Variants in CCDC112 observed in about 807,000 individuals in gnomAD.
CCDC112 encodes the protein coiled-coil domain containing 112.
In CCDC112, 40 loss-of-function variants were observed where a neutral mutation model predicts 66.3. The ratio of observed to expected loss-of-function variants is 0.60; its 90% CI spans 0.47 to 0.79. The LOEUF is 0.79. Among genes scored for constraint, CCDC112 ranks in the 30% least tolerant of loss-of-function variants. CCDC112 has a pLI of 0.00. For synonymous variants in CCDC112, 214 were observed against 197.2 expected (o/e 1.09, Z -0.71); for missense variants, 659 against 603.8 (o/e 1.09, Z -0.96).
intron 1 of CCDC112, among the ~76,000 whole-genome samples, chr5:115,289,920 C>G (rs1470002793): frequency 6.6e-6 from 1 of 152,114 alleles, no homozygotes; most frequent in Non-Finnish European, 1.5e-5. Flanking sequence ...TGGCCTCAAG[C>G]GATCTTCCTG....
intron 1 of CCDC112, chr5:115,289,092 C>A: frequency 4.1e-6 from 1 of 245,914 alleles, no homozygotes; most frequent in South Asian, 4.6e-5. Flanking sequence ...GTTTTAGTTT[C>A]TTTGTTTTCT....
intron 1 of CCDC112, among the ~76,000 whole-genome samples, chr5:115,286,301 TGTA>T (rs1218522275): frequency 6.6e-6 from 1 of 152,246 alleles, no homozygotes; most frequent in Non-Finnish European, 1.5e-5. Context: ...TCATACAATG[TGTA>T]GCCTTGTCTG....
intron 2 of CCDC112, among the ~76,000 whole-genome samples, chr5:115,283,656 T>C (rs910885563): frequency 2.5e-4 from 38 of 152,096 alleles, no homozygotes; most frequent in African/African-American, 9.2e-4. Flanking sequence ...ATTATGTAAA[T>C]GCAAGGAGAA....
chr5:115,289,479 T>A (rs1339834553), intron 1 of CCDC112: 1 of 152,838 alleles, frequency 6.5e-6, no homozygotes, highest in East Asian at 1.9e-4. Flanking sequence ...TGTTTCTGGG[T>A]TTTTTGTTCC....
Position 115,296,261 on chromosome 5 carries a change from T to C in CCDC112, c.117+166A>G, listed in dbSNP as rs549486436. 3.8e-6 allele frequency: 5 copies of C among 1,300,936 alleles called. No homozygotes were observed. In the South Asian group the frequency reaches 1.1e-4, roughly 28 times the overall value. The allele number at this position is 1,300,936 out of a possible 1,614,324, so 80.6% of individuals were successfully genotyped here. On this transcript the variant is annotated intron_variant, in intron 1 of 9. Transcript: ENST00000379611. ...CACATGGAGGCGGCTCTGCAAAAGC[T>C]GTTAAACGCACAAGCCAACAAAGAG...
intron 1 of CCDC112, among the ~76,000 whole-genome samples, chr5:115,292,249 T>C (rs968167252): frequency 6.6e-6 from 1 of 152,214 alleles, no homozygotes; most frequent in Non-Finnish European, 1.5e-5. Flanking sequence ...TCAGGTTTGT[T>C]GATACTTTCT....
At chr5:115,282,835 T>A (rs1362382432) in intron 2 of CCDC112, among the ~76,000 whole-genome samples, 1 of 151,964 alleles carries the variant, frequency 6.6e-6, no homozygotes, top group African/African-American at 2.4e-5. Context: ...TTTAAAAATT[T>A]AAAAAAAGAT....
At chr5:115,270,725 G>A (rs1748960485) in intron 7 of CCDC112, among the ~76,000 whole-genome samples, 2 of 152,122 alleles carry the variant, frequency 1.3e-5, no homozygotes, top group Admixed American at 1.3e-4. Flanking sequence ...TCTTGCCTAT[G>A]GCTACCTTTC....
Position 115,275,552 on chromosome 5 carries a change from T to C in CCDC112, c.582A>G (p.Ile194Met), listed in dbSNP as rs779236134. ...AAGCCCATGTGTCAATTTTTCTTGATATGGCACTCAACTCATTATTAGTTG... is the reference window on the plus strand; with the variant it reads ...AAGCCCATGTGTCAATTTTTCTTGACATGGCACTCAACTCATTATTAGTTG... ...EKTTNNELSA[I>M]SRKIDTWALG... The change falls in exon 6 of 10, where the codon ATA (isoleucine) becomes ATG (methionine). Residue 194 changes from isoleucine to methionine, a missense_variant. Ile to Met is a conservative substitution (Grantham distance 10). Transcript: ENST00000379611. 9.3e-6 allele frequency: 15 copies of C among 1,612,544 alleles called. No homozygotes were observed. The highest frequency in any genetic ancestry group is 8.8e-5 in the South Asian group (8 of 91,042).
chr5:115,278,699 A>G (rs545136647), intron 3 of CCDC112, among the ~76,000 whole-genome samples: 16 of 152,288 alleles, frequency 1.1e-4, no homozygotes, highest in African/African-American at 3.6e-4. Flanking sequence ...TTTTCAATGT[A>G]TCAAAGAAGG....
chr5:115,271,095 T>C (rs1043488341), intron 7 of CCDC112, 118 bp downstream of exon 7: 26 of 856,966 alleles, frequency 3.0e-5, no homozygotes, highest in Non-Finnish European at 4.4e-5. Flanking sequence ...CTCATTTTGG[T>C]ATACTAATGC....
chr5:115,277,282 A>G (rs1488992328), intron 3 of CCDC112: 2 of 335,348 alleles, frequency 6.0e-6, no homozygotes, highest in Non-Finnish European at 1.1e-5. Context: ...TCTTACTATA[A>G]CCCGTGCTAA....
Position 115,267,937 on chromosome 5 carries a change from A to G in CCDC112, c.1548-19T>C. On this transcript the variant is annotated intron_variant, in intron 9 of 9. Transcript: ENST00000379611. ...AATAGCCCTAAGGAGAAAAAGAGAA[A>G]AGCAATTGTAAATATGTAGGAAATT... The G allele has an allele frequency of 6.3e-7, 1 of 1,596,002 alleles. No homozygotes were observed. Among genetic ancestry groups the G allele is most frequent in the Non-Finnish European group, 8.6e-7 (1 of 1,164,970 alleles).
chr5:115,282,930 A>G (rs903690599), intron 2 of CCDC112, among the ~76,000 whole-genome samples: 2 of 152,096 alleles, frequency 1.3e-5, no homozygotes, highest in Non-Finnish European at 2.9e-5. Context: ...ATATTCTTTC[A>G]GTGAGTTTTT....
chr5:115,269,833 T>A (rs1200592391), intron 7 of CCDC112, 35 bp from the exon 8 acceptor site: 3 of 1,324,490 alleles, frequency 2.3e-6, no homozygotes, highest in Non-Finnish European at 3.1e-6. Flanking sequence ...TAAGAAAGCA[T>A]GTGAACTAGA....
In CCDC112 at chr5:115,295,950, T is replaced by G. The variant is rs1057322440; in HGVS notation, c.117+477A>C. 2.2e-5 allele frequency: 22 copies of G among 986,040 alleles called. No homozygotes were observed. In the African/African-American group the frequency reaches 3.8e-4, roughly 17 times the overall value. The allele number at this position is 986,040 out of a possible 1,614,324, so 61.1% of individuals were successfully genotyped here. ...TAGAAAGCGGTCCTAAGCCGATCAC[T>G]GGAAACACCTCTGCCTCCGACCATC... is the stretch of plus-strand genomic sequence containing the variant. On this transcript the variant is annotated intron_variant, in intron 1 of 9. Transcript: ENST00000379611.
intron 1 of CCDC112, among the ~76,000 whole-genome samples, chr5:115,292,635 G>C (rs1030634470): frequency 4.6e-5 from 7 of 152,178 alleles, no homozygotes; most frequent in East Asian, 3.8e-4. Flanking sequence ...CCCCTTAGCA[G>C]GGTTTGTTTT....
At chr5:115,295,735 G>C (rs1750123833) in intron 1 of CCDC112, among the ~76,000 whole-genome samples, 1 of 152,128 alleles carries the variant, frequency 6.6e-6, no homozygotes, top group African/African-American at 2.4e-5. Flanking sequence ...GGAGGGTGAG[G>C]GGTGTGAGGA....
intron 9 of CCDC112, among the ~76,000 whole-genome samples, chr5:115,268,507 G>A (rs112427136): frequency 1.3e-5 from 2 of 151,712 alleles, no homozygotes; most frequent in African/African-American, 4.8e-5. Flanking sequence ...TCCTGACTTC[G>A]TGATCCGTCC....
Sources: gnomAD v4.1 joint callset for allele counts (sites outside exome capture counted in the v4.1 genomes callset) on GRCh38, gnomAD v4.1.1 for gene constraint, MANE v1.5 for transcripts, NCBI Gene and HGNC (gene_info 2026-07-23, HGNC 2026-07-21) for gene names.